Variants in IQCM observed in about 807,000 individuals in gnomAD.
IQCM encodes IQ motif containing M.
IQCM carries 45 observed loss-of-function variants against 57.6 expected under a neutral mutation model. That is an observed-to-expected ratio of 0.78 (90% CI 0.62 to 1.00). IQCM has a LOEUF of 1.00. Among genes scored for constraint, IQCM ranks in the 50% least tolerant of loss-of-function variants. IQCM has a pLI of 0.00. For synonymous variants in IQCM, 148 were observed against 158.9 expected, an observed-to-expected ratio of 0.93 and a Z score of 0.51; for missense variants, 468 against 511.6, an observed-to-expected ratio of 0.91 and a Z score of 0.82.
intron 9 of IQCM, among the ~76,000 whole-genome samples, chr4:149,570,965 T>C (rs1433757117): frequency 6.6e-6 from 1 of 152,008 alleles, no homozygotes; most frequent in Admixed American, 6.6e-5. Flanking sequence ...TCACACATGT[T>C]AGAATTTACT....
At chr4:149,480,734 A>G (rs1266424069) in intron 12 of IQCM, among the ~76,000 whole-genome samples, 1 of 152,130 alleles carries the variant, frequency 6.6e-6, no homozygotes, top group Non-Finnish European at 1.5e-5. Context: ...GAGTGCAGTT[A>G]CCTCTTTGAT....
At chr4:149,445,759 C>T (rs528592967) in intron 12 of IQCM, among the ~76,000 whole-genome samples, 23 of 151,726 alleles carry the variant, frequency 1.5e-4, no homozygotes, top group Non-Finnish European at 2.5e-4. Flanking sequence ...ATCTTGATTC[C>T]GATTTTTAAA....
chr4:149,387,723 T>C (rs778477051), intron 13 of IQCM, among the ~76,000 whole-genome samples: 1 of 152,008 alleles, frequency 6.6e-6, no homozygotes, highest in African/African-American at 2.4e-5. Context: ...TCCTTTAAAG[T>C]GCATAGTTCA....
At chr4:149,427,155 T>TC (rs1382618108) in intron 13 of IQCM, among the ~76,000 whole-genome samples, 1 of 152,004 alleles carries the variant, frequency 6.6e-6, no homozygotes, top group Admixed American at 6.6e-5. Flanking sequence ...ACAACAGTGC[T>TC]CACTGCACCT....
chr4:149,692,949 A>T (rs1024550662), intron 5 of IQCM, among the ~76,000 whole-genome samples: 1 of 152,156 alleles, frequency 6.6e-6, no homozygotes, highest in Non-Finnish European at 1.5e-5. Flanking sequence ...TTTACAATGA[A>T]GTTAAGCAAA....
chr4:149,459,057 T>C (rs959657580), intron 12 of IQCM, among the ~76,000 whole-genome samples: 1 of 152,176 alleles, frequency 6.6e-6, no homozygotes, highest in African/African-American at 2.4e-5. Context: ...TTCAAAATAT[T>C]CCCACATGTT....
chr4:149,381,209 C>G (rs900100762), intron 13 of IQCM, among the ~76,000 whole-genome samples: 29 of 152,226 alleles, frequency 1.9e-4, no homozygotes, highest in African/African-American at 6.3e-4. Flanking sequence ...TTCTTATTAT[C>G]TTCATTGTCA....
chr4:149,556,685 C>T (rs1355366749), intron 10 of IQCM, among the ~76,000 whole-genome samples: 1 of 152,182 alleles, frequency 6.6e-6, no homozygotes, highest in Non-Finnish European at 1.5e-5. Context: ...ATAGTTATCT[C>T]GATCGCATAC....
At chr4:149,805,019 TG>T (rs1773943557) in intron 2 of IQCM, among the ~76,000 whole-genome samples, 1 of 152,074 alleles carries the variant, frequency 6.6e-6, no homozygotes, top group Admixed American at 6.6e-5. Context: ...GCTGCCCTGT[TG>T]GCCACTTAAA....
intron 10 of IQCM, among the ~76,000 whole-genome samples, chr4:149,561,938 A>G (rs548764039): frequency 2.4e-4 from 36 of 152,234 alleles, no homozygotes; most frequent in African/African-American, 8.7e-4. Context: ...AAGATCTTGA[A>G]AGATGAATTG....
At chr4:149,643,070 G>A (rs746950662) in intron 7 of IQCM, among the ~76,000 whole-genome samples, 53 of 150,898 alleles carry the variant, frequency 3.5e-4, no homozygotes, top group Non-Finnish European at 3.0e-4. Flanking sequence ...ATTATTTACC[G>A]CAGTTACATT....
At chr4:149,489,767 ATGTGTG>A (rs1223036690) in intron 12 of IQCM, among the ~76,000 whole-genome samples, 2 of 151,738 alleles carry the variant, frequency 1.3e-5, no homozygotes, top group Admixed American at 1.3e-4. Context: ...CAATACATAT[ATGTGTG>A]TGTGTATATA....
At chr4:149,547,598 T>C (rs1224427826) in intron 12 of IQCM, among the ~76,000 whole-genome samples, 2 of 152,146 alleles carry the variant, frequency 1.3e-5, no homozygotes, top group Non-Finnish European at 2.9e-5. Context: ...CTGTCGTTAA[T>C]ACTGTATTGA....
chr4:149,465,752 G>A (rs1234959909), intron 12 of IQCM, among the ~76,000 whole-genome samples: 1 of 148,378 alleles, frequency 6.7e-6, no homozygotes, highest in Non-Finnish European at 1.5e-5. Flanking sequence ...TTTTTTTTTT[G>A]TTTCTAGTTG....
At chr4:149,380,259 T>A (rs1304361419) in intron 13 of IQCM, among the ~76,000 whole-genome samples, 1 of 152,064 alleles carries the variant, frequency 6.6e-6, no homozygotes, top group Non-Finnish European at 1.5e-5. Flanking sequence ...GATTATTGTA[T>A]TAGCAATTCC....
At chr4:149,471,713 A>T (rs1006745644) in intron 12 of IQCM, among the ~76,000 whole-genome samples, 3 of 152,194 alleles carry the variant, frequency 2.0e-5, no homozygotes, top group Non-Finnish European at 4.4e-5. Context: ...ATCAATGCAA[A>T]AATCCTCAAT....
intron 13 of IQCM, among the ~76,000 whole-genome samples, chr4:149,365,320 CAAT>C (rs1457281998): frequency 2.6e-5 from 4 of 151,986 alleles, no homozygotes; most frequent in Admixed American, 6.6e-5. Flanking sequence ...TGAGCAACAA[CAAT>C]AACAAAATAA....
intron 12 of IQCM, among the ~76,000 whole-genome samples, chr4:149,485,256 GT>G (rs1232188683): frequency 1.3e-5 from 2 of 151,772 alleles, no homozygotes; most frequent in Non-Finnish European, 2.9e-5. Context: ...CTTTCTCTAG[GT>G]TTGGGAAGTT....
chr4:149,604,494 A>G (rs1317798194), intron 8 of IQCM, among the ~76,000 whole-genome samples: 1 of 152,182 alleles, frequency 6.6e-6, no homozygotes, highest in Non-Finnish European at 1.5e-5. Context: ...TTACCTGATC[A>G]TTTAAAAAAA....
Sources: allele counts gnomAD v4.1 joint callset (sites outside exome capture counted in the v4.1 genomes callset), GRCh38; gene constraint gnomAD v4.1.1; transcripts MANE v1.5; gene names NCBI Gene and HGNC (gene_info 2026-07-23, HGNC 2026-07-21).